DLGAP2: variants seen among roughly 807,000 people sequenced by gnomAD.
DLGAP2 encodes disks large-associated protein 2.
A neutral mutation model predicts 100.3 loss-of-function variants in DLGAP2; 26 were observed. That is an observed-to-expected ratio of 0.26 (90% confidence interval 0.19 to 0.36). DLGAP2 has a LOEUF of 0.36. Among genes scored for constraint, DLGAP2 ranks in the 10% least tolerant of loss-of-function variants. The probability of loss-of-function intolerance (pLI) is 1.00; values close to 1 mark genes in which losing one functional copy is unlikely to be tolerated. For missense variants in DLGAP2, 1,858 were observed against 1,453.2 expected, an observed-to-expected ratio of 1.28 and a Z score of -4.53; for synonymous variants, 886 against 630.1, an observed-to-expected ratio of 1.41 and a Z score of -6.08.
chr8:932,115 G>C (rs915745581), intron 2 of DLGAP2, among the ~76,000 whole-genome samples: 13 of 152,190 alleles, frequency 8.5e-5, no homozygotes, highest in African/African-American at 3.1e-4. Context: ...TAGGATCTTG[G>C]AGGAAGAGCA....
Position 1,153,747 on chromosome 8 carries a change from G to A in DLGAP2, c.74-105104G>A, listed in dbSNP as rs866554767. ...TTTAATGTCATTAGCTCTGCTTAGC[G>A]GCAGACATTTGCAGTCATAACTGTT... On this transcript the variant is annotated intron_variant, in intron 2 of 14. Coordinates refer to ENST00000637795, the MANE Select transcript of DLGAP2 (RefSeq NM_001346810.2). Among the ~76,000 whole-genome samples, 37 of 152,044 alleles carry A rather than the reference G, an allele frequency of 2.4e-4. 1 individual carries two copies. The highest frequency in any genetic ancestry group is 1.4e-3 in the Admixed American group (21 of 15,256).
intron 3 of DLGAP2, among the ~76,000 whole-genome samples, chr8:1,315,223 G>A (rs1303777525): frequency 5.3e-5 from 8 of 152,166 alleles, no homozygotes; most frequent in South Asian, 4.2e-4. Flanking sequence ...TAGAGCGTGT[G>A]CAAGTACAGT....
intron 2 of DLGAP2, among the ~76,000 whole-genome samples, chr8:1,103,406 T>G (rs1443837139): frequency 5.2e-4 from 62 of 118,668 alleles, no homozygotes; most frequent in South Asian, 2.7e-3. Flanking sequence ...CAGGGCCTTG[T>G]TTAACGGTGA....
intron 6 of DLGAP2, among the ~76,000 whole-genome samples, chr8:1,618,332 A>G (rs554906231): frequency 6.6e-6 from 1 of 152,218 alleles, no homozygotes; most frequent in African/African-American, 2.4e-5. Context: ...AATAATTGGA[A>G]AATGCAGTTA....
rs112342009 is a variant in DLGAP2 at position 1,315,338 on chromosome 8, G to C, written c.106+56455G>C. On this transcript the variant is annotated intron_variant, in intron 3 of 14. Transcript: ENST00000637795. ...ACATTGGTCTACACTCGAGAAACTC[G>C]GCAGCGTTTAAAAATAGAGCCTATG... 4.8e-5 allele frequency among the ~76,000 whole-genome samples: 7 copies of C among 144,558 alleles called. 1 individual carries two copies. The allele number at this position is 144,558 out of a possible 152,430, so 94.8% of individuals were successfully genotyped here.
At chr8:1,237,009 T>C (rs1481012128) in intron 2 of DLGAP2, among the ~76,000 whole-genome samples, 39 of 150,342 alleles carry the variant, frequency 2.6e-4, no homozygotes, top group Non-Finnish European at 4.9e-4. Context: ...GCGTCATGTC[T>C]AGTTCTGTCT....
At chr8:926,961 C>T (rs1798829515) in intron 2 of DLGAP2, 1 of 933,624 alleles carries the variant, frequency 1.1e-6, no homozygotes, top group Admixed American at 6.2e-5. Flanking sequence ...GGGGTGGGGA[C>T]AGCGTGGGGG....
intron 1 of DLGAP2, among the ~76,000 whole-genome samples, chr8:840,305 C>T (rs530385769): frequency 5.1e-4 from 32 of 62,272 alleles, no homozygotes; most frequent in African/African-American, 2.1e-3. Context: ...CGCGTCCACA[C>T]GGTGCACGCC....
intron 12 of DLGAP2, among the ~76,000 whole-genome samples, chr8:1,689,787 A>T (rs1799210490): frequency 6.6e-6 from 1 of 152,150 alleles, no homozygotes; most frequent in East Asian, 1.9e-4. Context: ...AGGTGATGAG[A>T]TGCGTAGATC....
intron 1 of DLGAP2, among the ~76,000 whole-genome samples, chr8:808,741 C>G (rs532310465): frequency 6.6e-6 from 1 of 152,298 alleles, no homozygotes; most frequent in African/African-American, 2.4e-5. Flanking sequence ...GCCAACCCAC[C>G]TCACGCTTGT....
At chr8:1,285,405 A>G (rs899474550) in intron 3 of DLGAP2, among the ~76,000 whole-genome samples, 2 of 152,194 alleles carry the variant, frequency 1.3e-5, no homozygotes, top group African/African-American at 4.8e-5. Flanking sequence ...TGAAAATAAG[A>G]CTGTGCGTTT....
chr8:1,270,044 C>T (rs941471939), intron 3 of DLGAP2, among the ~76,000 whole-genome samples: 4 of 152,164 alleles, frequency 2.6e-5, no homozygotes, highest in Non-Finnish European at 5.9e-5. Context: ...TCTCAACATA[C>T]AGTAGCGGGT....
intron 3 of DLGAP2, among the ~76,000 whole-genome samples, chr8:1,464,010 C>G (rs1475310907): frequency 6.6e-6 from 1 of 152,208 alleles, no homozygotes; most frequent in East Asian, 1.9e-4. Flanking sequence ...AAGAAAAAGA[C>G]CAAAGTATCA....
chr8:1,554,966 C>T (rs1047443627), intron 5 of DLGAP2, among the ~76,000 whole-genome samples: 84 of 152,282 alleles, frequency 5.5e-4, no homozygotes, highest in Non-Finnish European at 9.1e-4. Flanking sequence ...CTATCCTTAG[C>T]GATACCAGTG....
chr8:1,436,746 C>T (rs1383455474), intron 3 of DLGAP2, among the ~76,000 whole-genome samples: 4 of 152,198 alleles, frequency 2.6e-5, no homozygotes, highest in Non-Finnish European at 4.4e-5. Context: ...CCCACTTACC[C>T]ATTCACCCAC....
At chr8:1,587,920 A>G (rs1458686072) in intron 6 of DLGAP2, among the ~76,000 whole-genome samples, 1 of 152,168 alleles carries the variant, frequency 6.6e-6, no homozygotes, top group Non-Finnish European at 1.5e-5. Flanking sequence ...CACAAAATGC[A>G]TTTACTAGCT....
chr8:1,310,031 C>T (rs1386160028), intron 3 of DLGAP2, among the ~76,000 whole-genome samples: 3 of 145,520 alleles, frequency 2.1e-5, no homozygotes, highest in Non-Finnish European at 4.5e-5. Context: ...TGTATACCAG[C>T]CTGGGCTACA....
intron 3 of DLGAP2, among the ~76,000 whole-genome samples, chr8:1,367,957 A>C (rs1802146213): frequency 6.6e-6 from 1 of 152,248 alleles, no homozygotes; most frequent in East Asian, 1.9e-4. Flanking sequence ...GCATGGAGCC[A>C]GCACAGGCTT....
chr8:1,438,330 CAGA>C (rs1163904194), intron 3 of DLGAP2, among the ~76,000 whole-genome samples: 1 of 152,108 alleles, frequency 6.6e-6, no homozygotes, highest in Non-Finnish European at 1.5e-5. Context: ...GAATTAAAAC[CAGA>C]AGACCAGTTA....
Sources: allele counts gnomAD v4.1 joint callset (sites outside exome capture counted in the v4.1 genomes callset), GRCh38; gene constraint gnomAD v4.1.1; transcripts MANE v1.5; gene names NCBI Gene and HGNC (gene_info 2026-07-23, HGNC 2026-07-21).